DMD: variants seen among roughly 807,000 people sequenced by gnomAD.
The protein encoded by DMD is dystrophin, also known as mutant dystrophin.
Under a neutral mutation model 330.1 loss-of-function variants are expected in DMD, and 63 were observed. The observed-to-expected ratio is 0.19, with a 90% CI of 0.16 to 0.24. DMD has a LOEUF of 0.24. Ranked by LOEUF, DMD falls within the 10% of genes least tolerant of loss-of-function variation. The pLI, the probability that DMD is intolerant of heterozygous loss-of-function variation, is 1.00. For synonymous variants in DMD, 1,223 were observed against 959.8 expected (o/e 1.27, Z -5.07); for missense variants, 3,344 against 2,684.1 (o/e 1.25, Z -5.43).
chrX:33,224,770 C>T (rs957043217), intron 1 of DMD, among the ~76,000 whole-genome samples: 2 of 110,967 alleles, frequency 1.8e-5, no homozygotes, highest in Non-Finnish European at 3.8e-5. Context: ...ACGAATGTAC[C>T]ACTCTGGTGA....
At chrX:31,204,812 G>A (rs1485775778) in intron 66 of DMD, among the ~76,000 whole-genome samples, 1 of 112,024 alleles carries the variant, frequency 8.9e-6, no homozygotes, top group Non-Finnish European at 1.9e-5. Flanking sequence ...TACTGGAGAC[G>A]TGTTTCACCA....
At chrX:31,863,300 G>A (rs1318490331) in intron 48 of DMD, among the ~76,000 whole-genome samples, 2 of 112,254 alleles carry the variant, frequency 1.8e-5, no homozygotes, top group Non-Finnish European at 3.8e-5. Context: ...CTGAGATCAC[G>A]CCACTGCACT....
intron 59 of DMD, among the ~76,000 whole-genome samples, chrX:31,473,719 A>G (rs1215928316): frequency 5.5e-5 from 6 of 108,412 alleles, no homozygotes; most frequent in Non-Finnish European, 1.1e-4. Context: ...CTCAAAAAAA[A>G]AAAAAAAAAG....
chrX:32,378,645 T>C (rs1255506114), intron 34 of DMD, among the ~76,000 whole-genome samples: 1 of 110,833 alleles, frequency 9.0e-6, no homozygotes, highest in Non-Finnish European at 1.9e-5. Flanking sequence ...CAGATATAAA[T>C]TAAATTGTCT....
chrX:32,728,728 T>C (rs1298597020), intron 7 of DMD, among the ~76,000 whole-genome samples: 3 of 112,111 alleles, frequency 2.7e-5, no homozygotes, highest in East Asian at 5.6e-4. Context: ...TTTCTTCCTC[T>C]TCTTCTTCCT....
At chrX:31,571,828 A>C (rs1464404938) in intron 55 of DMD, among the ~76,000 whole-genome samples, 1 of 111,760 alleles carries the variant, frequency 8.9e-6, no homozygotes, top group Non-Finnish European at 1.9e-5. Context: ...GACAACCAAG[A>C]ATTTCTTGAG....
chrX:32,525,700 C>T (rs1175605637), intron 17 of DMD, among the ~76,000 whole-genome samples: 1 of 111,359 alleles, frequency 9.0e-6, no homozygotes, highest in Non-Finnish European at 1.9e-5. Context: ...AATGAACAGA[C>T]ACCTCTGATT....
chrX:32,576,143 G>C (rs1423104504), intron 13 of DMD, among the ~76,000 whole-genome samples: 2 of 111,666 alleles, frequency 1.8e-5, no homozygotes, highest in East Asian at 5.6e-4. Flanking sequence ...TAATAGAGTA[G>C]TTCTCCTTTA....
intron 62 of DMD, among the ~76,000 whole-genome samples, chrX:31,263,273 T>C (rs1367515637): frequency 8.9e-6 from 1 of 111,917 alleles, no homozygotes; most frequent in African/African-American, 3.2e-5. Context: ...AATAAACCTG[T>C]ACCAAACACA....
intron 1 of DMD, among the ~76,000 whole-genome samples, chrX:33,110,088 C>T (rs2095328068): frequency 9.0e-6 from 1 of 111,641 alleles, no homozygotes; most frequent in South Asian, 3.8e-4. Flanking sequence ...TTTTAGAATG[C>T]CCTCTCTCAC....
intron 63 of DMD, among the ~76,000 whole-genome samples, chrX:31,226,317 A>G (rs776346263): frequency 8.9e-6 from 1 of 112,155 alleles, no homozygotes; most frequent in African/African-American, 3.2e-5. Flanking sequence ...CTATCTTTCT[A>G]TCTTCCATTT....
chrX:32,395,405 C>T (rs2098036756), intron 30 of DMD, among the ~76,000 whole-genome samples: 1 of 74,836 alleles, frequency 1.3e-5, no homozygotes, highest in African/African-American at 5.3e-5. Context: ...ACTAACATCA[C>T]ACACCAGGGC....
At chrX:32,242,256 T>C (rs331359) in intron 43 of DMD, among the ~76,000 whole-genome samples, 2 of 109,755 alleles carry the variant, frequency 1.8e-5, no homozygotes, top group African/African-American at 6.6e-5. Context: ...GTAACAAAAA[T>C]AGAAGTTCAA....
chrX:32,680,419 G>C (rs931381424), intron 9 of DMD, among the ~76,000 whole-genome samples: 3 of 110,858 alleles, frequency 2.7e-5, no homozygotes, highest in African/African-American at 9.9e-5. Flanking sequence ...CTTCACAACT[G>C]GTCCTCAGGC....
intron 47 of DMD, among the ~76,000 whole-genome samples, chrX:31,925,170 GT>G (rs1404820416): frequency 9.0e-6 from 1 of 111,433 alleles, no homozygotes; most frequent in African/African-American, 3.3e-5. Context: ...AACTCATATA[GT>G]TTTTTTAAAA....
At chrX:32,415,559 C>T (rs765461437) in intron 29 of DMD, among the ~76,000 whole-genome samples, 1 of 112,418 alleles carries the variant, frequency 8.9e-6, no homozygotes, top group African/African-American at 3.2e-5. Flanking sequence ...TGTGCTGTCT[C>T]ATTGAATGAA....
intron 57 of DMD, among the ~76,000 whole-genome samples, chrX:31,490,285 G>A (rs1413694316): frequency 1.8e-5 from 2 of 112,345 alleles, no homozygotes; most frequent in East Asian, 2.8e-4. Flanking sequence ...CACTCTGGCC[G>A]GGCGCGGTGG....
At chrX:32,755,493 G>A (rs780088727) in intron 7 of DMD, among the ~76,000 whole-genome samples, 25 of 111,421 alleles carry the variant, frequency 2.2e-4, no homozygotes, top group African/African-American at 7.2e-4. Context: ...GTTCCCTGTG[G>A]GCAGGTAATG....
chrX:31,646,824 AG>A (rs2148542923), intron 54 of DMD, among the ~76,000 whole-genome samples: 1 of 112,230 alleles, frequency 8.9e-6, no homozygotes, highest in African/African-American at 3.2e-5. Context: ...AAATCTGATG[AG>A]GCCGCAACGC....
Sources: gnomAD v4.1 joint callset for allele counts (sites outside exome capture counted in the v4.1 genomes callset) on GRCh38, gnomAD v4.1.1 for gene constraint, MANE v1.5 for transcripts, NCBI Gene and HGNC (gene_info 2026-07-23, HGNC 2026-07-21) for gene names.